The following LINC00305 variants were observed in gnomAD, a reference collection of about 807,000 sequenced individuals.
LINC00305 encodes the protein long intergenic non-protein coding RNA 305.
intron 3 of LINC00305, among the ~76,000 whole-genome samples, chr18:64,086,804 G>T (rs961704896): frequency 6.6e-6 from 1 of 152,198 alleles, no homozygotes; most frequent in Non-Finnish European, 1.5e-5. Flanking sequence ...TGCAGCAAAC[G>T]AGAGGTGACT....
chr18:64,094,266 A>G (rs182533599), intron 3 of LINC00305, among the ~76,000 whole-genome samples: 44 of 152,364 alleles, frequency 2.9e-4, no homozygotes, highest in Middle Eastern at 3.4e-3. Context: ...GGACAATTGA[A>G]GGAAAACACT....
chr18:64,090,843 A>C (rs1349291579), intron 3 of LINC00305, among the ~76,000 whole-genome samples: 1 of 152,218 alleles, frequency 6.6e-6, no homozygotes, highest in Non-Finnish European at 1.5e-5. Context: ...TTGTGTGTGG[A>C]ATCACTGACA....
chr18:64,090,326 AC>A (rs1335335553), intron 3 of LINC00305, among the ~76,000 whole-genome samples: 1 of 152,246 alleles, frequency 6.6e-6, no homozygotes, highest in Non-Finnish European at 1.5e-5. Context: ...ATAATCTCTC[AC>A]AACCTCATTC....
chr18:64,143,435 T>A (rs1012856301), intron 1 of LINC00305, among the ~76,000 whole-genome samples: 3 of 148,276 alleles, frequency 2.0e-5, no homozygotes, highest in African/African-American at 7.8e-5. Context: ...ACCAACAATA[T>A]ACATATTATA....
intron 1 of LINC00305, among the ~76,000 whole-genome samples, chr18:64,114,959 C>T (rs1599218560): frequency 6.6e-6 from 1 of 152,302 alleles, no homozygotes; most frequent in East Asian, 1.9e-4. Flanking sequence ...TTTCTGAGAG[C>T]TTCTACACAC....
intron 3 of LINC00305, among the ~76,000 whole-genome samples, chr18:64,093,987 G>A (rs2051235159): frequency 6.6e-6 from 1 of 152,158 alleles, no homozygotes; most frequent in African/African-American, 2.4e-5. Context: ...CGAAAAAAAG[G>A]GAAATAGTTT....
At chr18:64,135,405 A>G (rs931310064) in intron 1 of LINC00305, among the ~76,000 whole-genome samples, 4 of 152,106 alleles carry the variant, frequency 2.6e-5, no homozygotes, top group Non-Finnish European at 5.9e-5. Context: ...AAGGCTATAT[A>G]TGTGCCAGTC....
At chr18:64,113,519 G>A (rs2051324224) in intron 1 of LINC00305, among the ~76,000 whole-genome samples, 1 of 152,142 alleles carries the variant, frequency 6.6e-6, no homozygotes, top group Non-Finnish European at 1.5e-5. Flanking sequence ...TAATGGAAGG[G>A]AAGCACTTAT....
chr18:64,092,254 T>G (rs1285193670), intron 3 of LINC00305, among the ~76,000 whole-genome samples: 3 of 152,218 alleles, frequency 2.0e-5, no homozygotes, highest in Admixed American at 6.5e-5. Flanking sequence ...CGCATATTGT[T>G]ATGGTTTGTA....
At chr18:64,090,169 C>T (rs1044884373) in intron 3 of LINC00305, among the ~76,000 whole-genome samples, 1 of 152,186 alleles carries the variant, frequency 6.6e-6, no homozygotes, top group African/African-American at 2.4e-5. Flanking sequence ...TAGCCAATAT[C>T]ACTAAGTGTT....
At chr18:64,143,874 G>A (rs1372171999) in intron 1 of LINC00305, among the ~76,000 whole-genome samples, 1 of 151,418 alleles carries the variant, frequency 6.6e-6, no homozygotes, top group Non-Finnish European at 1.5e-5. Flanking sequence ...ATACATATAT[G>A]TATACATGTA....
chr18:64,083,243 A>G (rs530413763), intron 3 of LINC00305, among the ~76,000 whole-genome samples: 1 of 152,198 alleles, frequency 6.6e-6, no homozygotes, highest in Non-Finnish European at 1.5e-5. Context: ...GCTATGGAGG[A>G]GCTCTCCCAC....
chr18:64,143,111 A>G (rs1318292182), intron 1 of LINC00305, among the ~76,000 whole-genome samples: 1 of 152,208 alleles, frequency 6.6e-6, no homozygotes, highest in Non-Finnish European at 1.5e-5. Flanking sequence ...TGACGTCAGC[A>G]TTATGAAACC....
intron 3 of LINC00305, among the ~76,000 whole-genome samples, chr18:64,082,615 A>G (rs761422949): frequency 6.6e-6 from 1 of 152,218 alleles, no homozygotes; most frequent in Non-Finnish European, 1.5e-5. Context: ...AGGAATTCAC[A>G]TCACTGGCTT....
intron 1 of LINC00305, among the ~76,000 whole-genome samples, chr18:64,107,793 G>C (rs998426673): frequency 2.0e-5 from 3 of 152,218 alleles, no homozygotes; most frequent in African/African-American, 7.2e-5. Flanking sequence ...CCACCTTCCA[G>C]AGGGAGGATT....
At chr18:64,116,179 A>G (rs1260717842) in intron 1 of LINC00305, among the ~76,000 whole-genome samples, 1 of 152,156 alleles carries the variant, frequency 6.6e-6, no homozygotes, top group Non-Finnish European at 1.5e-5. Flanking sequence ...TTTAAGCCCC[A>G]AAGGAATTTG....
intron 1 of LINC00305, among the ~76,000 whole-genome samples, chr18:64,107,750 G>A (rs1182412125): frequency 2.0e-5 from 3 of 152,174 alleles, no homozygotes; most frequent in Non-Finnish European, 4.4e-5. Context: ...TGTGGTCAAT[G>A]TATCTTATAG....
intron 1 of LINC00305, among the ~76,000 whole-genome samples, chr18:64,143,011 T>A (rs929524129): frequency 2.0e-5 from 3 of 152,136 alleles, no homozygotes; most frequent in African/African-American, 7.2e-5. Flanking sequence ...TTGCATATTT[T>A]AAAGGATCAA....
chr18:64,094,320 C>T (rs1328995602), intron 3 of LINC00305, among the ~76,000 whole-genome samples: 5 of 152,170 alleles, frequency 3.3e-5, no homozygotes, highest in Non-Finnish European at 4.4e-5. Flanking sequence ...ATGATACAAA[C>T]ATGGAAATTA....
Sources: gnomAD v4.1 joint callset for allele counts (sites outside exome capture counted in the v4.1 genomes callset) on GRCh38, gnomAD v4.1.1 for gene constraint, MANE v1.5 for transcripts, NCBI Gene and HGNC (gene_info 2026-07-23, HGNC 2026-07-21) for gene names.